EIF4G1: variants seen among roughly 807,000 people sequenced by gnomAD.
EIF4G1 encodes the protein EIF4-gamma.
A neutral mutation model predicts 187.8 loss-of-function variants in EIF4G1; 4 were observed. The observed-to-expected ratio is 0.02, with a 90% CI of 0.01 to 0.05. The LOEUF (loss-of-function observed/expected upper bound fraction) is 0.05, where lower values mean the gene tolerates loss of function less well. Among genes scored for constraint, EIF4G1 ranks in the 10% least tolerant of loss-of-function variants. The probability of loss-of-function intolerance (pLI) is 1.00; values close to 1 mark genes in which losing one functional copy is unlikely to be tolerated. For missense variants in EIF4G1, 1,647 were observed against 2,081.1 expected (o/e 0.79, Z 4.06); for synonymous variants, 844 against 781.4 (o/e 1.08, Z -1.34).
At chr3:184,318,353 C>T (rs548767761) in intron 6 of EIF4G1, among the ~76,000 whole-genome samples, 11 of 152,284 alleles carry the variant, frequency 7.2e-5, no homozygotes, top group South Asian at 2.1e-4. Flanking sequence ...AGAATGTGCC[C>T]GGATCTTGCT....
intron 7 of EIF4G1, among the ~76,000 whole-genome samples, chr3:184,320,044 T>C (rs959143383): frequency 1.3e-5 from 2 of 151,806 alleles, no homozygotes; most frequent in African/African-American, 4.8e-5. Flanking sequence ...TGCTGGGGGG[T>C]TGGAAGAACT....
chr3:184,319,692 G>A lies in EIF4G1; in HGVS notation c.428G>A (p.Gly143Asp). 6.3e-7 allele frequency: 1 copy of A among 1,588,204 alleles called. No homozygotes were observed. ...TCTCCGTCCCCCCTCCCCCAAGCTG[G>A]CGCCTACTATCCAGCCCAAGGGGTG... The part of the protein sequence containing the change: ...ASPTEFGTYA[G>D]AYYPAQGVQQ... Residue 143 changes from glycine to aspartate, a missense_variant, in exon 7 of 33, where the codon GGC becomes GAC. Coordinates refer to ENST00000346169, the MANE Select transcript of EIF4G1 (RefSeq NM_198241.3).
At chr3:184,320,294 A>G in intron 7 of EIF4G1, 4 of 1,263,316 alleles carry the variant, frequency 3.2e-6, no homozygotes, top group Non-Finnish European at 4.0e-6. Context: ...CACACTAGCC[A>G]CAAGTGAGCC....
At chr3:184,328,332 A>T in intron 26 of EIF4G1, 1 of 485,512 alleles carries the variant, frequency 2.1e-6, no homozygotes, top group South Asian at 2.0e-5. Flanking sequence ...TGGAGGTTGC[A>T]GTGAGCCGAG....
intron 28 of EIF4G1, 91 bp from the exon 29 acceptor site, chr3:184,331,175 C>G: frequency 7.4e-7 from 1 of 1,357,636 alleles, no homozygotes; most frequent in Non-Finnish European, 1.1e-6. Flanking sequence ...AGTAGGCTTT[C>G]AGTAAATATT....
At position 184,321,717 on chromosome 3, in the gene EIF4G1, C is replaced by T. The variant is rs560302663; in HGVS notation, c.1133C>T (p.Pro378Leu). The T allele has an allele frequency of 1.9e-6, 3 of 1,594,022 alleles. No homozygotes were observed. Among genetic ancestry groups the T allele is most frequent in the Non-Finnish European group, 2.6e-6 (3 of 1,167,980 alleles). ...EDLEPEVESS[P>L]ELAPPPACPS... is the part of the protein sequence containing the mutation. ...CTGGAACCAGAGGTGGAGTCAAGCCCAGAGCTTGCTCCTCCCCCAGCTTGC... is the reference window on the plus strand; with the variant it reads ...CTGGAACCAGAGGTGGAGTCAAGCCTAGAGCTTGCTCCTCCCCCAGCTTGC... The change falls in exon 10 of 33, where the codon CCA becomes CTA. Residue 378 changes from proline to leucine, a missense_variant. Pro to Leu is a moderately conservative substitution (Grantham distance 98). Coordinates refer to ENST00000346169, the MANE Select transcript of EIF4G1 (RefSeq NM_198241.3).
In EIF4G1 at chr3:184,317,640, C is replaced by T. The variant is rs1262118677; in HGVS notation, c.325-77C>T. ...CAGAGTTGGCTTGTCTTGTCTTGAC[C>T]TATGTTCTTTTTGGAGTCTGATATG... On this transcript the variant is annotated intron_variant, in intron 5 of 32. Coordinates refer to ENST00000346169, the MANE Select transcript of EIF4G1 (RefSeq NM_198241.3). 2.6e-6 allele frequency: 4 copies of T among 1,535,360 alleles called. No individual in the cohort carries two copies. In the South Asian group the frequency reaches 3.4e-5, roughly 13 times the overall value.
In EIF4G1 at chr3:184,324,276, G is replaced by A; in HGVS notation, c.2548G>A (p.Glu850Lys). The change falls in exon 17 of 33, where the codon GAG (glutamate) becomes AAG (lysine). Residue 850 changes from glutamate to lysine, a missense_variant. Glu to Lys is a moderately conservative substitution (Grantham distance 56). Transcript: ENST00000346169. Reference sequence around the variant, plus strand: ...GCTGTTGTTGAATCGATGTCAGAAGGAGTTTGAGAAAGACAAAGATGATGA... The same window carrying A: ...GCTGTTGTTGAATCGATGTCAGAAGAAGTTTGAGAAAGACAAAGATGATGA... ...RKLLLNRCQKEFEKDKDDDEV... is the reference protein window; with the variant it reads ...RKLLLNRCQKKFEKDKDDDEV... 6.2e-7 allele frequency: 1 copy of A among 1,614,212 alleles called. No individual in the cohort carries two copies. The highest frequency in any genetic ancestry group is 8.5e-7 in the Non-Finnish European group (1 of 1,180,034).
At chr3:184,329,359 G>T (rs1352287660) in intron 28 of EIF4G1, among the ~76,000 whole-genome samples, 1 of 152,184 alleles carries the variant, frequency 6.6e-6, no homozygotes, top group Non-Finnish European at 1.5e-5. Flanking sequence ...TGGGCCGGGC[G>T]CAGTGGCTCA....
At chr3:184,331,667 C>T (rs1410728461) in intron 30 of EIF4G1, 61 bp downstream of exon 30, 1 of 1,613,678 alleles carries the variant, frequency 6.2e-7, no homozygotes, top group Non-Finnish European at 8.5e-7. Context: ...GTGGGGGCAG[C>T]AAGAATGAAG....
At chr3:184,314,804 CCCCGGCCCGCCAGGGT>C (rs1350183166) in intron 1 of EIF4G1, 130 bp downstream of exon 1, 2 of 147,356 alleles carry the variant, frequency 1.4e-5, no homozygotes, top group Non-Finnish European at 3.0e-5. Context: ...CGACCCAGGG[CCCCGGCCCGCCAGGGT>C]CCCGATCCCC....
At position 184,328,022 on chromosome 3, in the gene EIF4G1, G is replaced by A. The variant is rs1725272385; in HGVS notation, c.3953+20G>A. 3.7e-6 allele frequency: 6 copies of A among 1,601,020 alleles called. No homozygotes were observed. The highest frequency in any genetic ancestry group is 1.1e-5 in the South Asian group (1 of 91,032). The stretch of plus-strand genomic sequence containing the variant: ...CCAAGGGTATGACCAGCTTCTCTGG[G>A]CCTCCCACTTATACAGACCCACAAT... On this transcript the variant is annotated intron_variant, in intron 26 of 32. Transcript: ENST00000346169.
intron 27 of EIF4G1, 63 bp downstream of exon 27, chr3:184,328,819 GCTGGGTTGGATACC>G: frequency 1.2e-6 from 2 of 1,614,142 alleles, no homozygotes; most frequent in Non-Finnish European, 8.5e-7. Context: ...TAGGGAAATG[GCTGGGTTGGATACC>G]CTGGTTTGGA....
At chr3:184,319,646 C>A in intron 6 of EIF4G1, 43 bp from the exon 7 acceptor site, 1 of 1,279,892 alleles carries the variant, frequency 7.8e-7, no homozygotes, top group Non-Finnish European at 1.1e-6. Flanking sequence ...TATGGTTGGG[C>A]CCTGACGCTA....
At position 184,325,231 on chromosome 3, in the gene EIF4G1, A is replaced by G. The variant is rs17818331; in HGVS notation, c.2857-38A>G. 43,350 of 1,611,750 alleles carry G rather than the reference A, an allele frequency of 0.027. 677 individuals carry two copies. The highest frequency in any genetic ancestry group is 0.033 in the Non-Finnish European group (38,444 of 1,177,844). On this transcript the variant is annotated intron_variant, in intron 18 of 32. Transcript: ENST00000346169. This position sits in a 1 kb window ranked among gnomAD's most constrained non-coding sequence, Gnocchi z 5.2. ...TGGGGCCTGCAGTTATAGGTGGGAC[A>G]TGAGAAGTTCCTGGTCTGATGCCTT...
rs750102836 is a variant in EIF4G1, at chr3:184,323,087, A to T, written c.1934A>T (p.Asn645Ile). ...CTTTTCCTGTCCTCTTTGCAGGCCA[A>T]TAAAACACCACTGCGGCCACTGGAT... ...HISDVVLDKA[N>I]KTPLRPLDPT... Residue 645 changes from asparagine to isoleucine, a missense_variant, in exon 14 of 33, where the codon AAT becomes ATT. Around this residue, in one of 11 missense-constraint regions of EIF4G1, gnomAD observed 140 missense variants for 222.2 expected, o/e 0.63. Transcript: ENST00000346169. The surrounding 1 kb of genome is among the most constrained non-coding windows in gnomAD (Gnocchi z 6.9). 2.5e-6 allele frequency: 4 copies of T among 1,614,068 alleles called. No homozygotes were observed. The highest frequency in any genetic ancestry group is 3.3e-5 in the Admixed American group (2 of 60,002).
intron 32 of EIF4G1, 23 bp downstream of exon 32, chr3:184,332,109 AG>A (rs1225355267): frequency 6.2e-7 from 1 of 1,613,796 alleles, no homozygotes; most frequent in African/African-American, 1.3e-5. Flanking sequence ...CCATGGGGAC[AG>A]GGGTGGGGTG....
At position 184,324,322 on chromosome 3, in the gene EIF4G1, A is replaced by G. The variant is rs1355670386; in HGVS notation, c.2594A>G (p.Gln865Arg). 1 of 1,614,234 alleles carries G rather than the reference A, an allele frequency of 6.2e-7. No homozygotes were observed. Among genetic ancestry groups the G allele is most frequent in the East Asian group, 2.2e-5 (1 of 44,886 alleles). The change falls in exon 17 of 33, where the codon CAA becomes CGA. Residue 865 changes from glutamine to arginine, a missense_variant. Transcript: ENST00000346169. ...GATGATGAGGTTTTTGAGAAGAAGCAAAAAGAGATGGATGAAGCTGCTACG... is the reference window on the plus strand; with the variant it reads ...GATGATGAGGTTTTTGAGAAGAAGCGAAAAGAGATGGATGAAGCTGCTACG... ...KDDDEVFEKK[Q>R]KEMDEAATAE...
rs780282864 is a variant in EIF4G1, at chr3:184,331,501, G to A, written c.4290G>A (p.Ser1430=). The change falls in exon 30 of 33, where the codon TCG becomes TCA. Residue 1430 remains serine (S), a synonymous_variant. Transcript: ENST00000346169. ...QKVEYTLGEE[S]EAPGQRALPS... ...TGGAGTATACCCTGGGAGAGGAGTC[G>A]GAAGCCCCTGGCCAGAGGGCACTCC... 58 of 1,614,040 alleles carry A rather than the reference G, an allele frequency of 3.6e-5. No individual in the cohort carries two copies. The highest frequency in any genetic ancestry group is 4.7e-5 in the Non-Finnish European group (56 of 1,180,030).
Sources: allele counts gnomAD v4.1 joint callset (sites outside exome capture counted in the v4.1 genomes callset), GRCh38; gene constraint gnomAD v4.1.1; regional missense constraint gnomAD v4.1.1; non-coding constraint Gnocchi (gnomAD v3.1); transcripts MANE v1.5; gene names NCBI Gene and HGNC (gene_info 2026-07-23, HGNC 2026-07-21).